DZIP1: variants seen among roughly 807,000 people sequenced by gnomAD.
DZIP1 encodes the protein cilium assembly protein DZIP1.
DZIP1 carries 97 observed loss-of-function variants against 107.6 expected under a neutral mutation model. The observed-to-expected ratio is 0.90, with a 90% CI of 0.77 to 1.07. DZIP1 has a LOEUF of 1.07. Ranked by LOEUF, DZIP1 falls within the 50% of genes least tolerant of loss-of-function variation. The pLI, the probability that DZIP1 is intolerant of heterozygous loss-of-function variation, is 0.00. For synonymous variants in DZIP1, 390 were observed against 386.4 expected, an observed-to-expected ratio of 1.01 and a Z score of -0.11; for missense variants, 1,035 against 1,063.6, an observed-to-expected ratio of 0.97 and a Z score of 0.37.
chr13:95,613,768 T>C (rs927083074), intron 10 of DZIP1, among the ~76,000 whole-genome samples: 9 of 152,138 alleles, frequency 5.9e-5, no homozygotes, highest in African/African-American at 9.7e-5. Flanking sequence ...ATCGTACAGA[T>C]AGGAAAACTC....
chr13:95,629,501 A>G (rs1876943844), intron 7 of DZIP1, among the ~76,000 whole-genome samples: 2 of 152,218 alleles, frequency 1.3e-5, no homozygotes, highest in South Asian at 4.1e-4. Flanking sequence ...GAAGAGGGTC[A>G]GGAGCCCAGG....
rs555246980 is a variant in DZIP1, at chr13:95,591,470, C to G, written c.1681-1029G>C. Among the ~76,000 whole-genome samples the G allele has an allele frequency of 7.2e-5, 11 of 152,310 alleles. No individual in the cohort carries two copies. The South Asian group carries it at 2.3e-3, about 32-fold the overall frequency. On this transcript the variant is annotated intron_variant, in intron 16 of 22. Transcript: ENST00000376829. ...CAGTGTCTCACACACACAGCTACCT[C>G]CCATCTTTGTTCCCATCCCCCTTGC...
chr13:95,624,638 ACT>A, intron 8 of DZIP1, 128 bp downstream of exon 8: 1 of 826,264 alleles, frequency 1.2e-6, no homozygotes, highest in African/African-American at 1.7e-5. Flanking sequence ...CTCCCTCAAG[ACT>A]CTCAGGGAGA....
chr13:95,589,129 C>T lies in DZIP1; in HGVS notation c.2027+25G>A, dbSNP rs199715211. On this transcript the variant is annotated intron_variant, in intron 19 of 22. Transcript: ENST00000376829. ...TCAGTGAAAATAATTTTTTAAATGA[C>T]CCTCCCATCCCTGTCAATACTCACG... is the stretch of plus-strand genomic sequence containing the variant. 15 of 1,583,288 alleles carry T rather than the reference C, an allele frequency of 9.5e-6. No homozygotes were observed. The East Asian group carries it at 2.7e-4, about 29-fold the overall frequency.
At chr13:95,584,323 C>CCA (rs901150852) in intron 22 of DZIP1, among the ~76,000 whole-genome samples, 1 of 149,690 alleles carries the variant, frequency 6.7e-6, no homozygotes, top group Non-Finnish European at 1.5e-5. Context: ...GGGCCACGAG[C>CCA]GGTGGCCCAT....
At chr13:95,584,608 A>T in intron 22 of DZIP1, 128 bp downstream of exon 22, 1 of 1,455,432 alleles carries the variant, frequency 6.9e-7, no homozygotes, top group African/African-American at 1.4e-5. Context: ...TTTAAATAAC[A>T]TAAAGAAAGC....
intron 13 of DZIP1, among the ~76,000 whole-genome samples, chr13:95,608,091 T>C (rs1329920021): frequency 6.6e-6 from 1 of 152,148 alleles, no homozygotes; most frequent in African/African-American, 2.4e-5. Context: ...TTTTGTATGC[T>C]GGGAAGAGGA....
At chr13:95,606,174 G>A in intron 13 of DZIP1, 115 bp from the exon 14 acceptor site, 1 of 820,302 alleles carries the variant, frequency 1.2e-6, no homozygotes, top group Non-Finnish European at 2.0e-6. Context: ...AGACCATAAG[G>A]AACAAATATT....
At chr13:95,591,521 G>C (rs774473741) in intron 16 of DZIP1, among the ~76,000 whole-genome samples, 8 of 151,982 alleles carry the variant, frequency 5.3e-5, no homozygotes, top group Non-Finnish European at 1.0e-4. Flanking sequence ...CAGTCCCAGG[G>C]AGTGGCCATA....
At chr13:95,620,821 G>A (rs1594711845) in intron 9 of DZIP1, among the ~76,000 whole-genome samples, 1 of 152,178 alleles carries the variant, frequency 6.6e-6, no homozygotes, top group African/African-American at 2.4e-5. Context: ...AAGAAATTTA[G>A]GTGGGACCTT....
At position 95,586,090 on chromosome 13, in the gene DZIP1, TG is replaced by T; in HGVS notation, c.2264del (p.Pro755HisfsTer6). The T allele has an allele frequency of 6.2e-7, 1 of 1,612,474 alleles. No homozygotes were observed. The highest frequency in any genetic ancestry group is 8.5e-7 in the Non-Finnish European group (1 of 1,179,508). The stretch of plus-strand genomic sequence containing the variant: ...CTGGTTTGTTCACATTTTTGCGATG[TG>T]GAAACATCTTTTCAACTTTTTCAGT... Reference protein sequence around the residue: ...TPTEKVEKMFPHRKNVNKPVG... With the variant: ...TPTEKVEKMFXHRKNVNKPVG... On this transcript the variant is annotated frameshift_variant, in exon 21 of 23. Coordinates refer to ENST00000376829, the MANE Select transcript of DZIP1 (RefSeq NM_198968.4). LOFTEE classifies it high-confidence loss of function.
At chr13:95,585,181 C>T (rs1426790487) in intron 21 of DZIP1, among the ~76,000 whole-genome samples, 2 of 152,174 alleles carry the variant, frequency 1.3e-5, no homozygotes, top group South Asian at 4.1e-4. Flanking sequence ...TCCAGAAATA[C>T]TACACTGTAG....
Position 95,619,877 on chromosome 13 carries a change from A to T in DZIP1, c.1173+8T>A. ...GCCCACTTTAGGCCACTGGTTTCTTAACCTTACCCGACCCTTCTCTTTCTT... is the reference window on the plus strand; with the variant it reads ...GCCCACTTTAGGCCACTGGTTTCTTTACCTTACCCGACCCTTCTCTTTCTT... On this transcript the variant is annotated splice_region_variant and intron_variant, in intron 10 of 22. Transcript: ENST00000376829. 2 of 1,613,514 alleles carry T rather than the reference A, an allele frequency of 1.2e-6. No individual in the cohort carries two copies. Among genetic ancestry groups the T allele is most frequent in the Non-Finnish European group, 1.7e-6 (2 of 1,179,790 alleles).
At chr13:95,611,834 T>C (rs2045018331) in intron 11 of DZIP1, among the ~76,000 whole-genome samples, 1 of 152,254 alleles carries the variant, frequency 6.6e-6, no homozygotes. Flanking sequence ...GAACTTTAAC[T>C]GTATAAATCT....
intron 20 of DZIP1, among the ~76,000 whole-genome samples, chr13:95,586,544 G>A (rs2044165198): frequency 6.6e-6 from 1 of 152,002 alleles, no homozygotes. Context: ...TCATTCAAGT[G>A]TGTGGTCAGA....
chr13:95,586,203 T>G, intron 20 of DZIP1, 67 bp from the exon 21 acceptor site: 1 of 1,365,960 alleles, frequency 7.3e-7, no homozygotes, highest in Non-Finnish European at 9.8e-7. Flanking sequence ...AGTTCCAAAA[T>G]AACCTTACAG....
chr13:95,593,166 A>G lies in DZIP1; in HGVS notation c.1680+778T>C, dbSNP rs189738938. On this transcript the variant is annotated intron_variant, in intron 16 of 22. Transcript: ENST00000376829. ...TGAAAACATACACAATCATCTATATACATACATATACATAAATGTGTATAC... is the reference window on the plus strand; with the variant it reads ...TGAAAACATACACAATCATCTATATGCATACATATACATAAATGTGTATAC... Among the ~76,000 whole-genome samples the G allele has an allele frequency of 2.8e-3, 423 of 152,368 alleles. 4 individuals are homozygous for G. Among genetic ancestry groups the G allele is most frequent in the Admixed American group, 0.022 (344 of 15,306 alleles).
intron 8 of DZIP1, among the ~76,000 whole-genome samples, chr13:95,624,016 G>A (rs1876227772): frequency 1.9e-5 from 1 of 53,996 alleles, no homozygotes; most frequent in African/African-American, 3.6e-5. Flanking sequence ...TGCTGGACTT[G>A]GTTCATGGGC....
Position 95,580,995 on chromosome 13 carries a change from A to C in DZIP1, c.*1239T>G, listed in dbSNP as rs1461392188. On this transcript the variant is annotated 3_prime_UTR_variant, in exon 23 of 23. Transcript: ENST00000376829. ...GTGGAAACAGATAAAGATTTGTTCT[A>C]ACCATTAGGACAGAATGTCATATGG... 6.6e-6 allele frequency: 1 copy of C among 152,224 alleles called. No individual in the cohort carries two copies. The highest frequency in any genetic ancestry group is 1.9e-4 in the East Asian group (1 of 5,196). The allele number at this position is 152,224 out of a possible 1,614,324, so 9.4% of individuals were successfully genotyped here. A position where few individuals can be genotyped will look rare whatever the true frequency, so the allele number is the denominator to read the frequency against.
Sources: gnomAD v4.1 joint callset for allele counts (sites outside exome capture counted in the v4.1 genomes callset) on GRCh38, gnomAD v4.1.1 for gene constraint, MANE v1.5 for transcripts, NCBI Gene and HGNC (gene_info 2026-07-23, HGNC 2026-07-21) for gene names.